The following SLC5A8 variants were observed in gnomAD, a reference collection of about 807,000 sequenced individuals.
SLC5A8 encodes sodium-coupled monocarboxylate transporter 1.
In SLC5A8, 55 loss-of-function variants were observed where a neutral mutation model predicts 71.9. That is an observed-to-expected ratio of 0.77 (90% CI 0.62 to 0.96). SLC5A8 has a LOEUF of 0.96. Among genes scored for constraint, SLC5A8 ranks in the 40% least tolerant of loss-of-function variants. The pLI is 0.00. For missense variants in SLC5A8, 701 were observed against 745.3 expected, an observed-to-expected ratio of 0.94 and a Z score of 0.69; for synonymous variants, 307 against 276.1, an observed-to-expected ratio of 1.11 and a Z score of -1.11.
chr12:101,195,975 G>A (rs1354745196), intron 3 of SLC5A8, among the ~76,000 whole-genome samples: 1 of 152,104 alleles, frequency 6.6e-6, no homozygotes, highest in South Asian at 2.1e-4. Flanking sequence ...GATTACAAGC[G>A]TGAGCCACCG....
chr12:101,206,583 C>T (rs928886254), intron 1 of SLC5A8, among the ~76,000 whole-genome samples: 3 of 152,174 alleles, frequency 2.0e-5, no homozygotes, highest in Non-Finnish European at 2.9e-5. Flanking sequence ...AAGAAATACC[C>T]GGAGACTGGA....
chr12:101,173,339 C>T (rs1566310408), intron 10 of SLC5A8, among the ~76,000 whole-genome samples: 1 of 152,168 alleles, frequency 6.6e-6, no homozygotes, highest in Non-Finnish European at 1.5e-5. Flanking sequence ...GGGTGAACCT[C>T]TTCATGGACC....
At chr12:101,185,562 A>G (rs987334949) in intron 7 of SLC5A8, among the ~76,000 whole-genome samples, 17 of 151,974 alleles carry the variant, frequency 1.1e-4, no homozygotes, top group African/African-American at 4.1e-4. Flanking sequence ...TCTCTTGAGG[A>G]TAAGGGGTTT....
In SLC5A8 at chr12:101,162,087, CA is replaced by C. The variant is rs1566305165; in HGVS notation, c.1527-11del. 1.3e-6 allele frequency: 2 copies of C among 1,580,140 alleles called. No homozygotes were observed. The highest frequency in any genetic ancestry group is 1.7e-5 in the Admixed American group (1 of 59,720). ...ATCCATCAGTGGAGTCCTAAGAGAGCAAAAACACAACGGTAAGATTTCATGT... is the reference window on the plus strand; with the variant it reads ...ATCCATCAGTGGAGTCCTAAGAGAGCAAAACACAACGGTAAGATTTCATGT... On this transcript the variant is annotated splice_polypyrimidine_tract_variant and intron_variant, in intron 12 of 14. Coordinates refer to ENST00000536262, the MANE Select transcript of SLC5A8 (RefSeq NM_145913.5).
Position 101,182,886 on chromosome 12 carries a change from G to C in SLC5A8, c.1082C>G (p.Ala361Gly), listed in dbSNP as rs1868430931. The C allele has an allele frequency of 6.3e-7, 1 of 1,592,236 alleles. No individual in the cohort carries two copies. The highest frequency in any genetic ancestry group is 8.5e-7 in the Non-Finnish European group (1 of 1,172,262). ...GATTAGATCTTCCACAGTTACTGCT[G>C]CTAAGGCATTAATACTGGAGGACAC... ...STVSSSINAL[A>G]AVTVEDLIKP... The change falls in exon 9 of 15, where the codon GCA (alanine) becomes GGA (glycine). Residue 361 changes from alanine to glycine, a missense_variant. Physicochemically the swap from Ala to Gly is moderately conservative, Grantham distance 60 (BLOSUM62 0). Coordinates refer to ENST00000536262, the MANE Select transcript of SLC5A8 (RefSeq NM_145913.5).
intron 1 of SLC5A8, among the ~76,000 whole-genome samples, chr12:101,204,901 C>T (rs1163008099): frequency 6.6e-6 from 1 of 152,134 alleles, no homozygotes; most frequent in Non-Finnish European, 1.5e-5. Context: ...GATCTGCTTT[C>T]CCTCTCTAGT....
At chr12:101,190,253 T>C (rs576133381) in intron 6 of SLC5A8, among the ~76,000 whole-genome samples, 77 of 152,232 alleles carry the variant, frequency 5.1e-4, no homozygotes, top group Non-Finnish European at 9.4e-4. Context: ...TGCTGATTTG[T>C]TTTCATTAAT....
At chr12:101,179,294 G>A (rs73156678) in intron 10 of SLC5A8, among the ~76,000 whole-genome samples, 11,662 of 152,122 alleles carry the variant, frequency 0.077, 483 homozygotes, top group Non-Finnish European at 0.09. Context: ...TGCACTCCTG[G>A]GTAGTTATCC....
At chr12:101,176,511 A>G (rs894986595) in intron 10 of SLC5A8, among the ~76,000 whole-genome samples, 1 of 152,098 alleles carries the variant, frequency 6.6e-6, no homozygotes, top group Non-Finnish European at 1.5e-5. Context: ...CTCATGGAAC[A>G]TATACCAAAA....
chr12:101,201,486 A>G (rs866522664), intron 3 of SLC5A8, among the ~76,000 whole-genome samples: 2 of 152,238 alleles, frequency 1.3e-5, no homozygotes, highest in African/African-American at 4.8e-5. Flanking sequence ...CTTCGAATAG[A>G]TAAGAATTCA....
intron 10 of SLC5A8, among the ~76,000 whole-genome samples, chr12:101,174,632 G>T (rs943872571): frequency 6.6e-6 from 1 of 152,122 alleles, no homozygotes; most frequent in Non-Finnish European, 1.5e-5. Flanking sequence ...CCTGAGCCAG[G>T]GTTGTAAATT....
At position 101,162,450 on chromosome 12, in the gene SLC5A8, C is replaced by G. The variant is rs149227931; in HGVS notation, c.1527-373G>C. On this transcript the variant is annotated intron_variant, in intron 12 of 14. Transcript: ENST00000536262. ...AAAAAGACACGTGCACTTATATGTTCATCGCAGCACTATTCCCAACAGCAA... is the reference window on the plus strand; with the variant it reads ...AAAAAGACACGTGCACTTATATGTTGATCGCAGCACTATTCCCAACAGCAA... Among the ~76,000 whole-genome samples, 38 of 152,284 alleles carry G rather than the reference C, an allele frequency of 2.5e-4. 1 individual carries two copies. The South Asian group carries it at 5.8e-3, about 23-fold the overall frequency.
intron 1 of SLC5A8, among the ~76,000 whole-genome samples, chr12:101,209,226 C>A (rs1408508322): frequency 6.6e-6 from 1 of 152,186 alleles, no homozygotes; most frequent in Non-Finnish European, 1.5e-5. Context: ...CTGTTGCAAT[C>A]CGTTCACTTT....
intron 3 of SLC5A8, among the ~76,000 whole-genome samples, chr12:101,200,225 A>G (rs934785452): frequency 3.3e-5 from 5 of 151,902 alleles, no homozygotes; most frequent in African/African-American, 9.7e-5. Flanking sequence ...TCTTGGGCCC[A>G]TAGGAGATTT....
rs751182719 is a variant in SLC5A8 at position 101,187,434 on chromosome 12, G to A, written c.915C>T (p.Tyr305=). 1.2e-6 allele frequency: 2 copies of A among 1,613,924 alleles called. No individual in the cohort carries two copies. The highest frequency in any genetic ancestry group is 1.1e-5 in the South Asian group (1 of 91,004). Residue 305 remains tyrosine (Y), a synonymous_variant, in exon 7 of 15, where the codon TAC becomes TAT. Coordinates refer to ENST00000536262, the MANE Select transcript of SLC5A8 (RefSeq NM_145913.5). Reference sequence around the variant, plus strand: ...TGGCTGTCCAAGGATCACAGTCATGGTACCTGGAATATAGGGCGAGCCCAC... The same window carrying A: ...TGGCTGTCCAAGGATCACAGTCATGATACCTGGAATATAGGGCGAGCCCAC... ...VFCGLALYSR[Y]HDCDPWTAKK...
At chr12:101,186,723 A>G (rs1310407594) in intron 7 of SLC5A8, among the ~76,000 whole-genome samples, 1 of 152,204 alleles carries the variant, frequency 6.6e-6, no homozygotes, top group Non-Finnish European at 1.5e-5. Flanking sequence ...TGTGAAGATT[A>G]AAAGTTGAAA....
At chr12:101,168,254 C>G in intron 10 of SLC5A8, 72 bp from the exon 11 acceptor site, 1 of 1,389,968 alleles carries the variant, frequency 7.2e-7, no homozygotes, top group Non-Finnish European at 9.9e-7. Flanking sequence ...GTCATTTCAT[C>G]AGGATAATGA....
At chr12:101,172,071 T>C (rs1379493765) in intron 10 of SLC5A8, among the ~76,000 whole-genome samples, 1 of 152,126 alleles carries the variant, frequency 6.6e-6, no homozygotes, top group Non-Finnish European at 1.5e-5. Flanking sequence ...GCTGAGGTGC[T>C]GTCAAAGATC....
rs1370048985 is a variant in SLC5A8, at chr12:101,195,176, T to C, written c.470-14A>G. 9.3e-6 allele frequency: 15 copies of C among 1,612,748 alleles called. No individual in the cohort carries two copies. In the Admixed American group the frequency reaches 1.0e-4, roughly 11 times the overall value. Reference sequence around the variant, plus strand: ...CAAATCCTGTGACTGTAGAAAAAAATAGAATGCATATATAATTGTGAAATA... The same window carrying C: ...CAAATCCTGTGACTGTAGAAAAAAACAGAATGCATATATAATTGTGAAATA... On this transcript the variant is annotated splice_polypyrimidine_tract_variant and intron_variant, in intron 3 of 14. Transcript: ENST00000536262.
Sources: gnomAD v4.1 joint callset for allele counts (sites outside exome capture counted in the v4.1 genomes callset) on GRCh38, gnomAD v4.1.1 for gene constraint, MANE v1.5 for transcripts, NCBI Gene and HGNC (gene_info 2026-07-23, HGNC 2026-07-21) for gene names.